Variants in ARSG observed in about 807,000 individuals in gnomAD.
ARSG encodes arylsulfatase G.
A neutral mutation model predicts 50.5 loss-of-function variants in ARSG; 37 were observed. The ratio of observed to expected loss-of-function variants is 0.73; its 90% confidence interval spans 0.56 to 0.96. ARSG has a LOEUF of 0.96. Among genes scored for constraint, ARSG ranks in the 50% least tolerant of loss-of-function variants. The probability of loss-of-function intolerance (pLI) is 0.00; values close to 1 mark genes in which losing one functional copy is unlikely to be tolerated. For synonymous variants in ARSG, 225 were observed against 254.6 expected (o/e 0.88, Z 1.11); for missense variants, 629 against 675.3 (o/e 0.93, Z 0.76).
At chr17:68,433,626 G>T in the ARSG span, 1 of 1,455,782 alleles carries the variant, frequency 6.9e-7, no homozygotes, top group East Asian at 2.3e-5. Flanking sequence ...TGGGAGTTAT[G>T]GCCTTATAAC....
At chr17:68,444,405 C>T in the ARSG span, 7 of 1,225,206 alleles carry the variant, frequency 5.7e-6, no homozygotes, top group Non-Finnish European at 7.1e-6. Flanking sequence ...CACTGCTTCA[C>T]GTTCGCAATT....
intron 1 of ARSG, among the ~76,000 whole-genome samples, chr17:68,300,495 A>G (rs1460882339): frequency 6.6e-6 from 1 of 152,228 alleles, no homozygotes; most frequent in Non-Finnish European, 1.5e-5. Flanking sequence ...AATTTCAGAC[A>G]TTGACCTGGA....
chr17:68,407,598 G>GTTT (rs202073915), intron 11 of ARSG, among the ~76,000 whole-genome samples: 1 of 144,314 alleles, frequency 6.9e-6, no homozygotes, highest in Admixed American at 6.9e-5. Flanking sequence ...ATATTCCTAA[G>GTTT]TTTTTTTTTT....
chr17:68,427,541 G>C (rs1444540965), downstream of ARSG: 1 of 237,334 alleles, frequency 4.2e-6, no homozygotes, highest in Non-Finnish European at 8.4e-6. Flanking sequence ...ATTTTTAGTA[G>C]AGACTGGGTT....
rs149375839 is a variant in ARSG at position 68,402,276 on chromosome 17, G to A, written c.1303+826G>A. On this transcript the variant is annotated intron_variant, in intron 11 of 11. Coordinates refer to ENST00000621439, the MANE Select transcript of ARSG (RefSeq NM_001267727.2). ...TTTGTTTGTTTTGAGACAGAGTCTC[G>A]CTCTGTCGCCCAGGATGGAGTGCAG... Among the ~76,000 whole-genome samples, 955 of 152,064 alleles carry A rather than the reference G, an allele frequency of 6.3e-3. 3 individuals carry two copies. The highest frequency in any genetic ancestry group is 0.011 in the Admixed American group (168 of 15,254).
intron 8 of ARSG, among the ~76,000 whole-genome samples, chr17:68,376,686 T>C (rs1219348023): frequency 6.6e-6 from 1 of 151,552 alleles, no homozygotes; most frequent in East Asian, 1.9e-4. Context: ...CAGCATACTA[T>C]TCAATTTTTT....
chr17:68,370,359 C>G, intron 7 of ARSG, 85 bp from the exon 8 acceptor site: 1 of 1,225,832 alleles, frequency 8.2e-7, no homozygotes, highest in African/African-American at 1.5e-5. Flanking sequence ...TCCTGCTCTG[C>G]GCAAGGGATA....
intron 6 of ARSG, among the ~76,000 whole-genome samples, chr17:68,357,235 G>A (rs1474638416): frequency 6.6e-6 from 1 of 152,234 alleles, no homozygotes; most frequent in African/African-American, 2.4e-5. Flanking sequence ...TAAAACAACA[G>A]TAACTTACCC....
intron 1 of ARSG, among the ~76,000 whole-genome samples, chr17:68,300,125 G>T (rs1305245813): frequency 6.6e-6 from 1 of 151,984 alleles, no homozygotes; most frequent in South Asian, 2.1e-4. Context: ...TGTTGTTGTT[G>T]CAGAGAGATG....
chr17:68,368,804 C>T lies in ARSG; in HGVS notation c.901+60C>T, dbSNP rs1227967841. 4 of 1,556,044 alleles carry T rather than the reference C, an allele frequency of 2.6e-6. No homozygotes were observed. In the Admixed American group the frequency reaches 5.6e-5, roughly 22 times the overall value. On this transcript the variant is annotated intron_variant, in intron 7 of 11. Coordinates refer to ENST00000621439, the MANE Select transcript of ARSG (RefSeq NM_001267727.2). ...TTTAATAGACAACCTTGCACATTAC[C>T]TGTGAAGAGCAGAGTCTGGCCCCGT...
intron 6 of ARSG, among the ~76,000 whole-genome samples, chr17:68,364,354 TTTGTTG>T (rs969270133): frequency 3.3e-5 from 5 of 152,146 alleles, no homozygotes; most frequent in Admixed American, 3.3e-4. Context: ...TAACCTGTTT[TTTGTTG>T]TTGTTGTTGT....
chr17:68,293,002 T>C (rs2076072482), intron 1 of ARSG, among the ~76,000 whole-genome samples: 1 of 152,226 alleles, frequency 6.6e-6, no homozygotes, highest in Admixed American at 6.5e-5. Flanking sequence ...GACTGGCATT[T>C]GGTAAGGCCT....
chr17:68,372,591 A>G (rs2079903017), intron 8 of ARSG, among the ~76,000 whole-genome samples: 1 of 152,208 alleles, frequency 6.6e-6, no homozygotes, highest in Non-Finnish European at 1.5e-5. Context: ...CATCATGAGA[A>G]CAGCAAAGGG....
intron 1 of ARSG, chr17:68,272,572 C>T (rs1368557301): frequency 2.0e-5 from 32 of 1,571,484 alleles, no homozygotes; most frequent in Middle Eastern, 1.9e-4. Context: ...CAAAAGTTAG[C>T]GTAGCAAGAA....
downstream of ARSG, among the ~76,000 whole-genome samples, chr17:68,424,040 C>T (rs1218092190): frequency 8.5e-5 from 13 of 152,226 alleles, no homozygotes; most frequent in East Asian, 7.7e-4. Context: ...CTGGAAGCCT[C>T]GACTTCAGGT....
In ARSG at chr17:68,385,155, C is replaced by T; in HGVS notation, c.1074C>T (p.Thr358=). The change falls in exon 9 of 12, where the codon ACC becomes ACT. Residue 358 remains threonine (T), a synonymous_variant. Transcript: ENST00000621439. ...YWPGRVPVNV[T]STALLSVLDI... is the part of the protein sequence containing the mutation. ...CTGGCAGAGTTCCAGTTAATGTCAC[C>T]AGCACTGCCTTGTTAAGGTATGAGA... 1.2e-6 allele frequency: 2 copies of T among 1,613,834 alleles called. No homozygotes were observed. Among genetic ancestry groups the T allele is most frequent in the Non-Finnish European group, 1.7e-6 (2 of 1,179,856 alleles).
rs528419076 is a variant in ARSG, at chr17:68,343,345, C to T, written c.219-259C>T. Among the ~76,000 whole-genome samples the T allele has an allele frequency of 3.3e-5, 5 of 152,130 alleles. No homozygotes were observed. The South Asian group carries it at 6.2e-4, about 19-fold the overall frequency. The stretch of plus-strand genomic sequence containing the variant: ...CTAATTTTTATATTTTTAGTAGAGA[C>T]GGGGTTTCACCATGTTGGCCAGGCT... On this transcript the variant is annotated intron_variant, in intron 2 of 11. Coordinates refer to ENST00000621439, the MANE Select transcript of ARSG (RefSeq NM_001267727.2).
chr17:68,320,043 T>A (rs1048998959), intron 2 of ARSG, among the ~76,000 whole-genome samples: 1 of 151,176 alleles, frequency 6.6e-6, no homozygotes, highest in Non-Finnish European at 1.5e-5. Context: ...TCCAAACACT[T>A]TGGGAGGCCA....
intron 11 of ARSG, among the ~76,000 whole-genome samples, chr17:68,403,957 T>C (rs1203585823): frequency 6.6e-6 from 1 of 151,032 alleles, no homozygotes; most frequent in Non-Finnish European, 1.5e-5. Flanking sequence ...GAACATGTGG[T>C]GTTTGTTTTT....
Sources: allele counts gnomAD v4.1 joint callset (sites outside exome capture counted in the v4.1 genomes callset), GRCh38; gene constraint gnomAD v4.1.1; transcripts MANE v1.5; gene names NCBI Gene and HGNC (gene_info 2026-07-23, HGNC 2026-07-21).